The following RNF111 variants were observed in gnomAD, a reference collection of about 807,000 sequenced individuals.
RNF111 encodes the protein ring finger protein 111.
In RNF111, 17 loss-of-function variants were observed where a neutral mutation model predicts 95.1. That is an observed-to-expected ratio of 0.18 (90% CI 0.12 to 0.27). RNF111 has a LOEUF of 0.27. Ranked by LOEUF, RNF111 falls within the 10% of genes least tolerant of loss-of-function variation. The pLI is 1.00. For missense variants in RNF111, 1,189 were observed against 1,210.4 expected (o/e 0.98, Z 0.26); for synonymous variants, 440 against 414.8 (o/e 1.06, Z -0.74).
chr15:59,076,607 C>G (rs959293578), intron 7 of RNF111, among the ~76,000 whole-genome samples: 12 of 152,168 alleles, frequency 7.9e-5, no homozygotes, highest in African/African-American at 2.9e-4. Context: ...CTCCTGTAAT[C>G]CCAGCACTTT....
intron 1 of RNF111, among the ~76,000 whole-genome samples, chr15:59,001,431 TAA>T (rs34531720): frequency 6.6e-6 from 1 of 151,830 alleles, no homozygotes; most frequent in Non-Finnish European, 1.5e-5. Context: ...TGTTGTTGAT[TAA>T]AAAAAAATTC....
chr15:59,091,046 T>A lies in RNF111; in HGVS notation c.2644-13T>A, dbSNP rs755748814. 31 of 1,534,882 alleles carry A rather than the reference T, an allele frequency of 2.0e-5. No homozygotes were observed. Among genetic ancestry groups the A allele is most frequent in the African/African-American group, 4.1e-5 (3 of 73,344 alleles). On this transcript the variant is annotated splice_polypyrimidine_tract_variant and intron_variant, in intron 11 of 13. Coordinates refer to ENST00000348370, the MANE Select transcript of RNF111 (RefSeq NM_017610.8). Reference sequence around the variant, plus strand: ...TCTTGGCTTTTACCAGTCATTATATTCTTCACTTTCAGGAACTGATTCATT... The same window carrying A: ...TCTTGGCTTTTACCAGTCATTATATACTTCACTTTCAGGAACTGATTCATT...
chr15:59,013,823 C>G (rs1168314473), intron 1 of RNF111, among the ~76,000 whole-genome samples: 4 of 152,024 alleles, frequency 2.6e-5, no homozygotes, highest in South Asian at 2.1e-4. Flanking sequence ...GAGTCTCACT[C>G]TGTTGCCCAG....
intron 1 of RNF111, among the ~76,000 whole-genome samples, chr15:59,030,286 A>T (rs1419691839): frequency 6.6e-6 from 1 of 152,212 alleles, no homozygotes; most frequent in Non-Finnish European, 1.5e-5. Flanking sequence ...AGGAAAAAAA[A>T]TAGAAAAGAG....
intron 4 of RNF111, among the ~76,000 whole-genome samples, chr15:59,057,674 A>G (rs1212976135): frequency 3.3e-5 from 5 of 152,206 alleles, no homozygotes; most frequent in African/African-American, 9.6e-5. Flanking sequence ...ACTGATGAGT[A>G]TTAATATTTA....
chr15:58,997,123 G>A (rs2039110503), intron 1 of RNF111, among the ~76,000 whole-genome samples: 2 of 151,978 alleles, frequency 1.3e-5, no homozygotes, highest in African/African-American at 4.8e-5. Context: ...TATACAAAGT[G>A]TACCAAATTT....
At chr15:59,073,942 A>T (rs2043055514) in intron 6 of RNF111, among the ~76,000 whole-genome samples, 1 of 152,222 alleles carries the variant, frequency 6.6e-6, no homozygotes, top group Non-Finnish European at 1.5e-5. Flanking sequence ...ACATTAATCT[A>T]CTTATACATC....
In RNF111 at chr15:59,096,750, A is replaced by G. The variant is rs575361060; in HGVS notation, c.*1850A>G. 6.6e-6 allele frequency: 1 copy of G among 152,356 alleles called. No individual in the cohort carries two copies. Among genetic ancestry groups the G allele is most frequent in the Non-Finnish European group, 1.5e-5 (1 of 68,056 alleles). The allele number at this position is 152,356 out of a possible 1,614,324, so 9.4% of individuals were successfully genotyped here. A position where few individuals can be genotyped will look rare whatever the true frequency, so the allele number is the denominator to read the frequency against. ...CTGCCATCTTACTGGGGAAAAGAGCAAGTAGCCTGTCTTCCTTTAAGTAAG... is the reference window on the plus strand; with the variant it reads ...CTGCCATCTTACTGGGGAAAAGAGCGAGTAGCCTGTCTTCCTTTAAGTAAG... On this transcript the variant is annotated 3_prime_UTR_variant, in exon 14 of 14. Transcript: ENST00000348370.
intron 1 of RNF111, among the ~76,000 whole-genome samples, chr15:58,988,839 T>G (rs2038683738): frequency 6.6e-6 from 1 of 152,246 alleles, no homozygotes; most frequent in African/African-American, 2.4e-5. Flanking sequence ...TTGATTTATG[T>G]GCGGCATTAA....
chr15:59,026,348 T>C (rs1304733036), intron 1 of RNF111, among the ~76,000 whole-genome samples: 1 of 152,080 alleles, frequency 6.6e-6, no homozygotes, highest in Admixed American at 6.5e-5. Context: ...TAGTGGTGTA[T>C]TCTACACTAG....
intron 1 of RNF111, among the ~76,000 whole-genome samples, chr15:59,011,855 A>G (rs546836706): frequency 2.0e-5 from 3 of 152,228 alleles, no homozygotes; most frequent in African/African-American, 4.8e-5. Context: ...TTCATAGCAC[A>G]TTGAAACTGA....
intron 2 of RNF111, among the ~76,000 whole-genome samples, chr15:59,046,773 A>G (rs1163562520): frequency 6.6e-6 from 1 of 152,250 alleles, no homozygotes; most frequent in Non-Finnish European, 1.5e-5. Context: ...TATTAAGAAA[A>G]TGAAAAGGCA....
chr15:59,031,309 G>T lies in RNF111; in HGVS notation c.487G>T (p.Val163Leu), dbSNP rs2040893224. Reference protein sequence around the residue: ...VTSDEDKEVSVRHSQTILNAK... With the variant: ...VTSDEDKEVSLRHSQTILNAK... ...TTCAGATGAGGATAAAGAAGTCTCT[G>T]TAAGACATTCCCAGACCATTTTGAA... is the stretch of plus-strand genomic sequence containing the variant. The change falls in exon 2 of 14, where the codon GTA becomes TTA. Residue 163 changes from valine to leucine, a missense_variant. By Grantham distance (32) the Val-to-Leu change is conservative (BLOSUM62 1). Transcript: ENST00000348370. 2.5e-6 allele frequency: 4 copies of T among 1,614,046 alleles called. No individual in the cohort carries two copies. Among genetic ancestry groups the T allele is most frequent in the Admixed American group, 1.7e-5 (1 of 60,002 alleles).
intron 7 of RNF111, among the ~76,000 whole-genome samples, chr15:59,080,368 C>T (rs2078704657): frequency 6.6e-6 from 1 of 152,094 alleles, no homozygotes; most frequent in Non-Finnish European, 1.5e-5. Flanking sequence ...TGACTCTGCC[C>T]ACCTTGGCCT....
intron 1 of RNF111, among the ~76,000 whole-genome samples, chr15:59,019,353 TAC>T (rs1454249885): frequency 6.6e-6 from 1 of 152,120 alleles, no homozygotes; most frequent in Non-Finnish European, 1.5e-5. Context: ...TTTGAAAAAA[TAC>T]AGTGTTTTTA....
chr15:59,070,678 A>G (rs1336390016), intron 6 of RNF111, among the ~76,000 whole-genome samples: 1 of 152,210 alleles, frequency 6.6e-6, no homozygotes, highest in African/African-American at 2.4e-5. Context: ...AAAAGAAAGG[A>G]GCTCCTCCTT....
At chr15:59,041,959 A>ATTTTTTTTTTTTTTTTTTTT (rs775444330) in intron 2 of RNF111, among the ~76,000 whole-genome samples, 7 of 108,448 alleles carry the variant, frequency 6.5e-5, no homozygotes, top group Non-Finnish European at 1.1e-4. Flanking sequence ...CAGTCTGTTC[A>ATTTTTTTTTTTTTTTTTTTT]TATTTTTTTT....
chr15:59,074,358 G>A (rs1388450826), intron 6 of RNF111, among the ~76,000 whole-genome samples: 5 of 152,204 alleles, frequency 3.3e-5, no homozygotes, highest in African/African-American at 1.2e-4. Context: ...AGGCTGTTTT[G>A]TCGACATGGA....
At position 59,031,582 on chromosome 15, in the gene RNF111, A is replaced by C. The variant is rs368126554; in HGVS notation, c.760A>C (p.Ser254Arg). 6.2e-7 allele frequency: 1 copy of C among 1,614,232 alleles called. No homozygotes were observed. The highest frequency in any genetic ancestry group is 2.2e-5 in the East Asian group (1 of 44,886). ...AAAATATGCCTTGCTACCTAGTTCT[A>C]GTAGTTCCAGTGAGAATGACCTCAG... ...RRKYALLPSS[S>R]SSSENDLSSE... The change falls in exon 2 of 14, where the codon AGT becomes CGT. Residue 254 changes from serine (S) to arginine (R), a missense_variant. By Grantham distance (110) the Ser-to-Arg change is moderately radical. This residue lies in a region of RNF111 where 1,024 missense variants were observed against 925.9 expected (regional missense o/e 1.11). Transcript: ENST00000348370.
Sources: allele counts gnomAD v4.1 joint callset (sites outside exome capture counted in the v4.1 genomes callset), GRCh38; gene constraint gnomAD v4.1.1; regional missense constraint gnomAD v4.1.1; transcripts MANE v1.5; gene names NCBI Gene and HGNC (gene_info 2026-07-23, HGNC 2026-07-21).